Variants in NKAIN2 observed in about 807,000 individuals in gnomAD.
The protein encoded by NKAIN2 is sodium/potassium-transporting ATPase subunit beta-1-interacting protein 2.
NKAIN2 carries 14 observed loss-of-function variants against 32.6 expected under a neutral mutation model. The ratio of observed to expected loss-of-function variants is 0.43; its 90% CI spans 0.28 to 0.67. NKAIN2 has a LOEUF of 0.67. Ranked by LOEUF, NKAIN2 falls within the 30% of genes least tolerant of loss-of-function variation. The pLI is 0.17. For missense variants in NKAIN2, 198 were observed against 258.3 expected (o/e 0.77, Z 1.60); for synonymous variants, 80 against 87.2 (o/e 0.92, Z 0.46).
At chr6:123,915,674 A>G (rs1050683903) in intron 1 of NKAIN2, among the ~76,000 whole-genome samples, 1 of 152,132 alleles carries the variant, frequency 6.6e-6, no homozygotes, top group Admixed American at 6.6e-5. Context: ...AAATACTTCA[A>G]ATTGATCTAT....
chr6:124,334,322 G>A (rs1018548096), intron 2 of NKAIN2, among the ~76,000 whole-genome samples: 2 of 152,180 alleles, frequency 1.3e-5, no homozygotes, highest in African/African-American at 4.8e-5. Flanking sequence ...CTCCTTGCCT[G>A]CTCCCCAGAC....
chr6:124,077,874 A>G (rs1226680631), intron 1 of NKAIN2, among the ~76,000 whole-genome samples: 1 of 152,098 alleles, frequency 6.6e-6, no homozygotes, highest in East Asian at 1.9e-4. Context: ...TGCTGGGATT[A>G]CAGGCGTGAA....
At chr6:124,274,795 G>A (rs149315329) in intron 1 of NKAIN2, among the ~76,000 whole-genome samples, 339 of 151,830 alleles carry the variant, frequency 2.2e-3, no homozygotes, top group African/African-American at 7.8e-3. Flanking sequence ...AAAAAAGGTG[G>A]GAGATTTGTG....
chr6:124,436,393 T>G (rs1775445887), intron 3 of NKAIN2, among the ~76,000 whole-genome samples: 1 of 152,172 alleles, frequency 6.6e-6, no homozygotes, highest in Non-Finnish European at 1.5e-5. Context: ...AATGCTTGTT[T>G]TTCTATCATT....
chr6:124,340,153 T>C lies in NKAIN2; in HGVS notation c.193-15114T>C, dbSNP rs370189933. Among the ~76,000 whole-genome samples, 3 of 152,332 alleles carry C rather than the reference T, an allele frequency of 2.0e-5. No individual in the cohort carries two copies. The South Asian group carries it at 6.2e-4, about 32-fold the overall frequency. On this transcript the variant is annotated intron_variant, in intron 2 of 6. Transcript: ENST00000368417. ...TGCTGACTGGCCAAAATTAAGTTTA[T>C]ATTTTGATGCCACTTCTAAAAACAA...
chr6:124,129,106 C>T (rs534635276), intron 1 of NKAIN2, among the ~76,000 whole-genome samples: 2 of 152,170 alleles, frequency 1.3e-5, no homozygotes, highest in African/African-American at 4.8e-5. Flanking sequence ...GGCTAATTGA[C>T]TTTAAGATAG....
At chr6:124,481,674 G>T (rs534149610) in intron 3 of NKAIN2, among the ~76,000 whole-genome samples, 58 of 152,080 alleles carry the variant, frequency 3.8e-4, no homozygotes, top group Non-Finnish European at 6.9e-4. Flanking sequence ...CCAGGTTTTT[G>T]TATTAAAGCA....
intron 3 of NKAIN2, among the ~76,000 whole-genome samples, chr6:124,495,077 G>A (rs1778013439): frequency 6.6e-6 from 1 of 152,052 alleles, no homozygotes; most frequent in Admixed American, 6.6e-5. Flanking sequence ...AAAGGAGCAG[G>A]CAACCAGCAT....
intron 4 of NKAIN2, among the ~76,000 whole-genome samples, chr6:124,731,795 A>C (rs1253456296): frequency 6.6e-6 from 1 of 152,084 alleles, no homozygotes; most frequent in Non-Finnish European, 1.5e-5. Flanking sequence ...TCATCTGCTC[A>C]CTTTTCTTCT....
At chr6:124,407,603 C>T (rs908357602) in intron 3 of NKAIN2, among the ~76,000 whole-genome samples, 18 of 152,014 alleles carry the variant, frequency 1.2e-4, no homozygotes, top group African/African-American at 3.6e-4. Flanking sequence ...CATTGTTGGA[C>T]ATTTGGGTTG....
chr6:124,357,924 C>G (rs757640556), intron 3 of NKAIN2, among the ~76,000 whole-genome samples: 1 of 146,478 alleles, frequency 6.8e-6, no homozygotes, highest in Non-Finnish European at 1.5e-5. Flanking sequence ...TATCCCTCCC[C>G]CAACCCGCAC....
At chr6:124,318,422 G>A (rs1797047850) in intron 2 of NKAIN2, among the ~76,000 whole-genome samples, 1 of 151,606 alleles carries the variant, frequency 6.6e-6, no homozygotes, top group Non-Finnish European at 1.5e-5. Flanking sequence ...TTTCATTTTA[G>A]CAGCATTTTT....
At chr6:123,835,658 T>G (rs1250612572) in intron 1 of NKAIN2, among the ~76,000 whole-genome samples, 1 of 152,218 alleles carries the variant, frequency 6.6e-6, no homozygotes, top group East Asian at 1.9e-4. Context: ...TATGATCTTA[T>G]AGCTGTTTTT....
At chr6:124,030,322 C>T (rs1781352338) in intron 1 of NKAIN2, among the ~76,000 whole-genome samples, 1 of 152,078 alleles carries the variant, frequency 6.6e-6, no homozygotes, top group African/African-American at 2.4e-5. Flanking sequence ...TATTGTTTTC[C>T]ACGAAACCCA....
intron 2 of NKAIN2, among the ~76,000 whole-genome samples, chr6:124,298,906 T>A (rs1242157271): frequency 6.6e-6 from 1 of 152,220 alleles, no homozygotes; most frequent in Non-Finnish European, 1.5e-5. Context: ...TAATGATGTA[T>A]CAAGGATCTC....
At chr6:124,222,465 A>G (rs1473102422) in intron 1 of NKAIN2, among the ~76,000 whole-genome samples, 1 of 152,192 alleles carries the variant, frequency 6.6e-6, no homozygotes, top group Non-Finnish European at 1.5e-5. Context: ...GGTTGGATGC[A>G]ATTTAAAATA....
chr6:123,967,417 G>T (rs1479592157), intron 1 of NKAIN2, among the ~76,000 whole-genome samples: 1 of 152,200 alleles, frequency 6.6e-6, no homozygotes, highest in East Asian at 1.9e-4. Flanking sequence ...AATGTGCTGA[G>T]TACTGGGCCA....
Position 124,690,707 on chromosome 6 carries a change from G to C in NKAIN2, c.474+32321G>C, listed in dbSNP as rs140079177. On this transcript the variant is annotated intron_variant, in intron 4 of 6. Coordinates refer to ENST00000368417, the MANE Select transcript of NKAIN2 (RefSeq NM_001040214.3). ...TTAGTACGTATTCTTTCTCTACACTGTATCTCAGATGGAATCTTCCTCCCT... is the reference window on the plus strand; with the variant it reads ...TTAGTACGTATTCTTTCTCTACACTCTATCTCAGATGGAATCTTCCTCCCT... 2.5e-3 allele frequency among the ~76,000 whole-genome samples: 386 copies of C among 152,114 alleles called. 3 individuals are homozygous for C. The highest frequency in any genetic ancestry group is 8.7e-3 in the African/African-American group (361 of 41,490).
At chr6:124,782,026 C>A (rs867234682) in intron 4 of NKAIN2, among the ~76,000 whole-genome samples, 2 of 152,080 alleles carry the variant, frequency 1.3e-5, no homozygotes, top group East Asian at 3.9e-4. Flanking sequence ...TTCAGAGGCA[C>A]GCTTTATTGG....
Sources: gnomAD v4.1 joint callset for allele counts (sites outside exome capture counted in the v4.1 genomes callset) on GRCh38, gnomAD v4.1.1 for gene constraint, MANE v1.5 for transcripts, NCBI Gene and HGNC (gene_info 2026-07-23, HGNC 2026-07-21) for gene names.